The following ADCY8 variants were observed in gnomAD, a reference collection of about 807,000 sequenced individuals.
ADCY8 encodes the protein adenylate cyclase type 8.
Under a neutral mutation model 119.7 loss-of-function variants are expected in ADCY8, and 51 were observed. The observed-to-expected ratio is 0.43, with a 90% CI of 0.34 to 0.54. The LOEUF is 0.54. ADCY8 is among the 20% of genes least tolerant of loss of function. The pLI is 0.03. For missense variants in ADCY8, 1,383 were observed against 1,598.8 expected, an observed-to-expected ratio of 0.87 and a Z score of 2.30; for synonymous variants, 665 against 651.0, an observed-to-expected ratio of 1.02 and a Z score of -0.33.
chr8:130,961,891 T>A (rs1412877559), intron 2 of ADCY8, among the ~76,000 whole-genome samples: 2 of 152,086 alleles, frequency 1.3e-5, no homozygotes, highest in Admixed American at 1.3e-4. Context: ...TCTAGGATCA[T>A]TTGAGCCCAG....
At chr8:130,783,854 A>G (rs1815167200) in intron 16 of ADCY8, 49 bp from the exon 17 acceptor site, 1 of 1,440,146 alleles carries the variant, frequency 6.9e-7, no homozygotes, top group Non-Finnish European at 9.7e-7. Context: ...AATGTGGGGG[A>G]ACATTAACAT....
chr8:130,872,567 G>A (rs1378425633), intron 8 of ADCY8, among the ~76,000 whole-genome samples: 7 of 152,188 alleles, frequency 4.6e-5, no homozygotes, highest in Non-Finnish European at 1.0e-4. Flanking sequence ...ATCTTGGTTA[G>A]AATGAAAGTA....
chr8:130,909,225 T>C (rs1819896302), intron 6 of ADCY8, among the ~76,000 whole-genome samples: 1 of 152,234 alleles, frequency 6.6e-6, no homozygotes, highest in African/African-American at 2.4e-5. Context: ...GGATCCTATG[T>C]CAACCAACCT....
In ADCY8 at chr8:130,934,415, C is replaced by G. The variant is rs139467271; in HGVS notation, c.1481+2658G>C. On this transcript the variant is annotated intron_variant, in intron 5 of 17. Transcript: ENST00000286355. ...GCTACACACTTATAAACAACCAGCT[C>G]TCATGAGAACTCACTCACTATCATG... is the stretch of plus-strand genomic sequence containing the variant. Among the ~76,000 whole-genome samples the G allele has an allele frequency of 2.0e-3, 306 of 152,216 alleles. 1 individual carries two copies. The highest frequency in any genetic ancestry group is 3.2e-3 in the Non-Finnish European group (215 of 68,008).
intron 8 of ADCY8, among the ~76,000 whole-genome samples, chr8:130,870,935 G>A (rs1232258245): frequency 1.3e-5 from 2 of 150,902 alleles, no homozygotes; most frequent in Non-Finnish European, 3.0e-5. Flanking sequence ...CATAAGTTTG[G>A]CGTTAATGTA....
intron 14 of ADCY8, among the ~76,000 whole-genome samples, chr8:130,803,481 G>A (rs539920710): frequency 6.6e-6 from 1 of 152,312 alleles, no homozygotes; most frequent in Admixed American, 6.5e-5. Context: ...GTAGTTTTTA[G>A]ATGCCCCTAT....
intron 1 of ADCY8, among the ~76,000 whole-genome samples, chr8:131,013,529 C>T (rs1823376540): frequency 6.6e-6 from 1 of 152,094 alleles, no homozygotes; most frequent in Non-Finnish European, 1.5e-5. Context: ...CCCCCTCCCC[C>T]AGTGATTTGC....
At chr8:130,804,363 T>A (rs1815877640) in intron 14 of ADCY8, among the ~76,000 whole-genome samples, 1 of 152,170 alleles carries the variant, frequency 6.6e-6, no homozygotes, top group Non-Finnish European at 1.5e-5. Flanking sequence ...TCTAGTCTCC[T>A]CTTTCTATTA....
chr8:130,969,631 G>T (rs536490149), intron 2 of ADCY8, among the ~76,000 whole-genome samples: 2 of 152,328 alleles, frequency 1.3e-5, no homozygotes, highest in East Asian at 3.9e-4. Flanking sequence ...AAAATAGATT[G>T]TAACCTGGGT....
intron 3 of ADCY8, among the ~76,000 whole-genome samples, chr8:130,950,213 TTGGTGGG>T (rs1357776324): frequency 6.6e-6 from 1 of 152,118 alleles, no homozygotes; most frequent in African/African-American, 2.4e-5. Context: ...CTTATGATAT[TTGGTGGG>T]TGGGAGATAC....
intron 5 of ADCY8, among the ~76,000 whole-genome samples, chr8:130,927,458 G>A (rs1410660763): frequency 6.6e-6 from 1 of 152,086 alleles, no homozygotes; most frequent in Non-Finnish European, 1.5e-5. Flanking sequence ...TCTTGCTATT[G>A]AGTTGTTGGA....
chr8:130,841,615 A>G (rs546807740), intron 11 of ADCY8, among the ~76,000 whole-genome samples: 1 of 152,342 alleles, frequency 6.6e-6, no homozygotes, highest in Admixed American at 6.5e-5. Flanking sequence ...TACTCTTAGA[A>G]GAGGAGGAAG....
At chr8:130,956,042 G>A (rs1394021999) in intron 2 of ADCY8, among the ~76,000 whole-genome samples, 2 of 152,172 alleles carry the variant, frequency 1.3e-5, no homozygotes, top group Admixed American at 6.5e-5. Flanking sequence ...ATACTTGGGA[G>A]GCTGAGGTGG....
intron 12 of ADCY8, among the ~76,000 whole-genome samples, chr8:130,833,240 A>G (rs1816892751): frequency 6.6e-6 from 1 of 152,198 alleles, no homozygotes; most frequent in Non-Finnish European, 1.5e-5. Context: ...AAAAGACCCA[A>G]GTTTGAATAC....
intron 14 of ADCY8, among the ~76,000 whole-genome samples, chr8:130,811,477 G>C (rs1351140544): frequency 6.6e-6 from 1 of 152,200 alleles, no homozygotes; most frequent in Admixed American, 6.5e-5. Flanking sequence ...GGTCAGATTT[G>C]TCTCAGGGTC....
Position 130,956,193 on chromosome 8 carries a change from T to C in ADCY8, c.1111-4195A>G, listed in dbSNP as rs114259165. On this transcript the variant is annotated intron_variant, in intron 2 of 17. Transcript: ENST00000286355. ...AAAATCTGTGGAACTAGATTTGTAT[T>C]TTTGAATGGAAAAGTCCAGCTCTCC... is the stretch of plus-strand genomic sequence containing the variant. Among the ~76,000 whole-genome samples the C allele has an allele frequency of 7.7e-3, 1,177 of 152,298 alleles. 20 individuals carry two copies. The highest frequency in any genetic ancestry group is 0.026 in the African/African-American group (1,090 of 41,558).
Position 131,039,489 on chromosome 8 carries a change from T to TAGGTGGCGAAGAGCGA in ADCY8, c.844_845insTCGCTCTTCGCCACCT (p.Tyr282PhefsTer120). 6.2e-7 allele frequency: 1 copy of TAGGTGGCGAAGAGCGA among 1,614,008 alleles called. No individual in the cohort carries two copies. Among genetic ancestry groups the TAGGTGGCGAAGAGCGA allele is most frequent in the Non-Finnish European group, 8.5e-7 (1 of 1,180,032 alleles). On this transcript the variant is annotated frameshift_variant, in exon 1 of 18. Coordinates refer to ENST00000286355, the MANE Select transcript of ADCY8 (RefSeq NM_001115.3). LOFTEE classifies it high-confidence loss of function. ...GGTGAGCGGCAGCGGCAGCATACTG[T>TAGGTGGCGAAGAGCGA]AGGTGGCGAAGAGCGTGAAGAGCAC...
At chr8:130,869,498 T>A (rs1259393068) in intron 8 of ADCY8, among the ~76,000 whole-genome samples, 1 of 146,402 alleles carries the variant, frequency 6.8e-6, no homozygotes, top group Non-Finnish European at 1.5e-5. Context: ...GTTTTTTTTT[T>A]ATTTTGTTTA....
chr8:130,960,140 A>C lies in ADCY8; in HGVS notation c.1111-8142T>G, dbSNP rs905710551. ...AGTGGAGATGGAGAAACATGGGCAC[A>C]TGGGAGGGAGACTTGTAGGAATTGG... On this transcript the variant is annotated intron_variant, in intron 2 of 17. Transcript: ENST00000286355. 9.2e-5 allele frequency among the ~76,000 whole-genome samples: 14 copies of C among 152,294 alleles called. 1 individual carries two copies. In the East Asian group the frequency reaches 2.5e-3, roughly 27 times the overall value.
Sources: allele counts gnomAD v4.1 joint callset (sites outside exome capture counted in the v4.1 genomes callset), GRCh38; gene constraint gnomAD v4.1.1; transcripts MANE v1.5; gene names NCBI Gene and HGNC (gene_info 2026-07-23, HGNC 2026-07-21).